Variants in DCHS2 observed in about 807,000 individuals in gnomAD.
The protein encoded by DCHS2 is dachsous cadherin-related 2.
A neutral mutation model predicts 182.4 loss-of-function variants in DCHS2; 142 were observed. That is an observed-to-expected ratio of 0.78 (90% confidence interval 0.68 to 0.89). The LOEUF is 0.89. DCHS2 is among the 40% of genes least tolerant of loss of function. The probability of loss-of-function intolerance (pLI) is 0.00; values close to 1 mark genes in which losing one functional copy is unlikely to be tolerated. For missense variants in DCHS2, 4,319 were observed against 4,198.6 expected (o/e 1.03, Z -0.79); for synonymous variants, 1,740 against 1,663.3 (o/e 1.05, Z -1.12).
intron 18 of DCHS2, among the ~76,000 whole-genome samples, chr4:154,239,905 C>A (rs761880858): frequency 2.0e-5 from 3 of 152,154 alleles, no homozygotes; most frequent in Non-Finnish European, 4.4e-5. Context: ...ATAGTTAATA[C>A]ATTCACTAAT....
intron 1 of DCHS2, among the ~76,000 whole-genome samples, chr4:154,409,607 AC>A (rs1487703673): frequency 3.9e-5 from 6 of 152,026 alleles, no homozygotes. Context: ...TTGGAGACTC[AC>A]CCTGTACCCC....
intron 3 of DCHS2, among the ~76,000 whole-genome samples, chr4:154,353,897 T>C (rs28428551): frequency 0.015 from 2,300 of 152,306 alleles, 60 homozygotes; most frequent in African/African-American, 0.051. Context: ...GTAATTATTA[T>C]ATACTCCAAA....
chr4:154,418,108 T>C (rs1380534173), intron 1 of DCHS2, among the ~76,000 whole-genome samples: 1 of 152,238 alleles, frequency 6.6e-6, no homozygotes, highest in Non-Finnish European at 1.5e-5. Flanking sequence ...CAAATTTCTG[T>C]CGTACAATTA....
chr4:154,367,910 C>T lies in DCHS2; in HGVS notation c.2245-1469G>A, dbSNP rs545893162. Reference sequence around the variant, plus strand: ...GAGGAAGGTAAGACAAACCCAGAAACGGCTGTCCTGCTCTGAGCTCTGAGC... The same window carrying T: ...GAGGAAGGTAAGACAAACCCAGAAATGGCTGTCCTGCTCTGAGCTCTGAGC... On this transcript the variant is annotated intron_variant, in intron 2 of 19. Transcript: ENST00000357232. Among the ~76,000 whole-genome samples, 3 of 144,710 alleles carry T rather than the reference C, an allele frequency of 2.1e-5. No homozygotes were observed. In the South Asian group the frequency reaches 7.2e-4, roughly 35 times the overall value. The allele number at this position is 144,710 out of a possible 152,430, so 94.9% of individuals were successfully genotyped here.
intron 1 of DCHS2, among the ~76,000 whole-genome samples, chr4:154,407,678 A>G (rs1560739864): frequency 2.0e-5 from 3 of 152,094 alleles, no homozygotes; most frequent in Non-Finnish European, 4.4e-5. Flanking sequence ...GGTGCCCCAC[A>G]CAACCCTGAG....
chr4:154,377,200 C>T, intron 2 of DCHS2, 53 bp downstream of exon 2: 2 of 1,545,702 alleles, frequency 1.3e-6, no homozygotes, highest in Non-Finnish European at 1.8e-6. Flanking sequence ...GATGTATACA[C>T]AGTGGCTCAC....
chr4:154,318,195 C>A (rs1735928758), intron 9 of DCHS2, among the ~76,000 whole-genome samples: 1 of 151,258 alleles, frequency 6.6e-6, no homozygotes, highest in Admixed American at 6.6e-5. Flanking sequence ...AACCCTGTGT[C>A]TATTTTATAT....
chr4:154,255,528 C>G lies in DCHS2; in HGVS notation c.6932G>C (p.Ser2311Thr), dbSNP rs762487176. The change falls in exon 16 of 20, where the codon AGC becomes ACC. Residue 2311 changes from serine (S) to threonine (T), a missense_variant. Coordinates refer to ENST00000357232, the MANE Select transcript of DCHS2 (RefSeq NM_001358235.2). ...TGAACCCTGGACCAACCTGTAGGAGCTGGTGAGCTCGTAATCTAGAATCGC... is the reference window on the plus strand; with the variant it reads ...TGAACCCTGGACCAACCTGTAGGAGGTGGTGAGCTCGTAATCTAGAATCGC... ...TKAILDYELT[S>T]SYSLIVQATD... 2 of 1,613,430 alleles carry G rather than the reference C, an allele frequency of 1.2e-6. No individual in the cohort carries two copies. The highest frequency in any genetic ancestry group is 1.1e-5 in the South Asian group (1 of 90,876).
rs1425538442 is a variant in DCHS2 at position 154,322,482 on chromosome 4, C to T, written c.4025G>A (p.Ser1342Asn). The T allele has an allele frequency of 6.2e-7, 1 of 1,607,342 alleles. No homozygotes were observed. Among genetic ancestry groups the T allele is most frequent in the South Asian group, 1.1e-5 (1 of 89,598 alleles). Residue 1342 changes from serine to asparagine, a missense_variant, in exon 8 of 20, where the codon AGT (serine) becomes AAT (asparagine). Physicochemically the swap from Ser to Asn is conservative, Grantham distance 46. Coordinates refer to ENST00000357232, the MANE Select transcript of DCHS2 (RefSeq NM_001358235.2). ...EVTYSVSSEDSSDHFKIDANN... is the reference protein window; with the variant it reads ...EVTYSVSSEDNSDHFKIDANN... ...GGCGTCAATCTTAAAGTGATCAGAA[C>T]TATCTTCTACACACACAAGAAAATT...
At chr4:154,457,707 CAGT>C (rs1351366518) in intron 1 of DCHS2, among the ~76,000 whole-genome samples, 2 of 152,180 alleles carry the variant, frequency 1.3e-5, no homozygotes, top group African/African-American at 4.8e-5. Flanking sequence ...TACCCAATTA[CAGT>C]AATTATTCTA....
At chr4:154,446,325 A>G (rs1156791660) in intron 1 of DCHS2, among the ~76,000 whole-genome samples, 1 of 152,238 alleles carries the variant, frequency 6.6e-6, no homozygotes, top group Non-Finnish European at 1.5e-5. Context: ...ATTTGTACCA[A>G]AAGTTAAATA....
At chr4:154,475,342 C>T (rs1160077905) in intron 1 of DCHS2, among the ~76,000 whole-genome samples, 2 of 152,120 alleles carry the variant, frequency 1.3e-5, no homozygotes, top group South Asian at 2.1e-4. Flanking sequence ...AAAAAGTACC[C>T]TATAGAGTTC....
intron 3 of DCHS2, among the ~76,000 whole-genome samples, chr4:154,339,646 A>G (rs1728972376): frequency 6.6e-6 from 1 of 151,978 alleles, no homozygotes; most frequent in African/African-American, 2.4e-5. Context: ...GAGGGGTTTC[A>G]CCATATTGGC....
intron 13 of DCHS2, among the ~76,000 whole-genome samples, chr4:154,279,485 A>G (rs1734022282): frequency 6.6e-6 from 1 of 152,012 alleles, no homozygotes; most frequent in Non-Finnish European, 1.5e-5. Context: ...GCTTTAAGTT[A>G]AAAACTATCA....
chr4:154,377,146 A>C lies in DCHS2; in HGVS notation c.2244+107T>G. The C allele has an allele frequency of 5.5e-6, 6 of 1,090,186 alleles. No individual in the cohort carries two copies. The highest frequency in any genetic ancestry group is 7.8e-6 in the Non-Finnish European group (6 of 772,576). The allele number at this position is 1,090,186 out of a possible 1,614,324, so 67.5% of individuals were successfully genotyped here. On this transcript the variant is annotated intron_variant, in intron 2 of 19. Transcript: ENST00000357232. ...CAGCAAAGGAAAGAGGTAGTGACAC[A>C]TGAAACAGAATGACCCAATTGTTGA...
intron 16 of DCHS2, among the ~76,000 whole-genome samples, chr4:154,244,096 ATGT>A (rs1207130390): frequency 6.6e-6 from 1 of 152,248 alleles, no homozygotes; most frequent in African/African-American, 2.4e-5. Context: ...ATGCACCTTT[ATGT>A]ATTCGCATAG....
At chr4:154,242,914 C>A (rs1731897010) in intron 16 of DCHS2, 142 bp from the exon 17 acceptor site, 4 of 1,276,218 alleles carry the variant, frequency 3.1e-6, no homozygotes, top group Non-Finnish European at 4.1e-6. Context: ...TAAATGGCAT[C>A]ATTTAAAATG....
rs1734527182 is a variant in DCHS2 at position 154,451,370 on chromosome 4, C to T, written c.2052+37934G>A. Among the ~76,000 whole-genome samples, 3 of 152,168 alleles carry T rather than the reference C, an allele frequency of 2.0e-5. No individual in the cohort carries two copies. In the South Asian group the frequency reaches 6.2e-4, roughly 31 times the overall value. On this transcript the variant is annotated intron_variant, in intron 1 of 19. Coordinates refer to ENST00000357232, the MANE Select transcript of DCHS2 (RefSeq NM_001358235.2). ...GGACACTTACTACGCTCATCATGAA[C>T]AGGATGTTAATGACCTTCCAAGATA...
At position 154,298,166 on chromosome 4, in the gene DCHS2, C is replaced by T. The variant is rs28561984; in HGVS notation, c.6148G>A (p.Glu2050Lys). Residue 2050 changes from glutamate (E) to lysine (K), a missense_variant, in exon 13 of 20, where the codon GAG becomes AAG. Glu to Lys is a moderately conservative substitution (Grantham distance 56). Transcript: ENST00000357232. ...QNPFDVFLSP[E>K]SPTNQTTVIV... ...ACAGTTGTCTGGTTTGTAGGCGACTCGGGGGAAAGAAACACATCAAAAGGG... is the reference window on the plus strand; with the variant it reads ...ACAGTTGTCTGGTTTGTAGGCGACTTGGGGGAAAGAAACACATCAAAAGGG... 0.16 allele frequency: 261,358 copies of T among 1,613,852 alleles called. 22,455 individuals carry two copies. The highest frequency in any genetic ancestry group is 0.22 in the Middle Eastern group (1,347 of 6,058).
Sources: gnomAD v4.1 joint callset for allele counts (sites outside exome capture counted in the v4.1 genomes callset) on GRCh38, gnomAD v4.1.1 for gene constraint, MANE v1.5 for transcripts, NCBI Gene and HGNC (gene_info 2026-07-23, HGNC 2026-07-21) for gene names.